The following ATAD2 variants were observed in gnomAD, a reference collection of about 807,000 sequenced individuals.
ATAD2 encodes the protein ATPase family AAA domain-containing protein 2.
A neutral mutation model predicts 168.9 loss-of-function variants in ATAD2; 62 were observed. The observed-to-expected ratio is 0.37, with a 90% confidence interval of 0.30 to 0.45. The LOEUF (loss-of-function observed/expected upper bound fraction) is 0.45, where lower values mean the gene tolerates loss of function less well. ATAD2 is among the 20% of genes least tolerant of loss of function. The pLI is 1.00. For missense variants in ATAD2, 1,419 were observed against 1,667.8 expected (o/e 0.85, Z 2.60); for synonymous variants, 613 against 571.6 (o/e 1.07, Z -1.03).
At chr8:123,367,542 G>C (rs1829019612) in intron 8 of ATAD2, among the ~76,000 whole-genome samples, 1 of 152,094 alleles carries the variant, frequency 6.6e-6, no homozygotes, top group South Asian at 2.1e-4. Flanking sequence ...TCCTGTGCCT[G>C]GTGGTGGTGG....
At chr8:123,381,398 G>A (rs1418357184) in intron 1 of ATAD2, among the ~76,000 whole-genome samples, 5 of 152,136 alleles carry the variant, frequency 3.3e-5, no homozygotes, top group Non-Finnish European at 2.9e-5. Flanking sequence ...TTACTTGGTA[G>A]GCTGAAATGG....
intron 27 of ATAD2, among the ~76,000 whole-genome samples, chr8:123,322,425 T>A (rs1346290132): frequency 6.6e-6 from 1 of 152,152 alleles, no homozygotes; most frequent in African/African-American, 2.4e-5. Flanking sequence ...TTCCAGTACT[T>A]TGGGAGGCTG....
chr8:123,372,341 G>A (rs962525541), intron 3 of ATAD2, among the ~76,000 whole-genome samples: 1 of 152,124 alleles, frequency 6.6e-6, no homozygotes, highest in Non-Finnish European at 1.5e-5. Flanking sequence ...GAATGGTCAC[G>A]GCTATGTTCC....
In ATAD2 at chr8:123,402,362, C is replaced by T. The variant is rs540068263; in HGVS notation, c.-2281-1187G>A. ...CAGCCAGCTGGGCTTTCAGGCCCTACGCCTGCTTCAGGTCTTGCTGCAGCC... is the reference window on the plus strand; with the variant it reads ...CAGCCAGCTGGGCTTTCAGGCCCTATGCCTGCTTCAGGTCTTGCTGCAGCC... On this transcript the variant is annotated intron_variant, in intron 1 of 28. Coordinates refer to the ATAD2 transcript ENST00000521903. This position sits in a 1 kb window ranked among gnomAD's most constrained non-coding sequence, Gnocchi z 4.8. 3.9e-5 allele frequency among the ~76,000 whole-genome samples: 6 copies of T among 152,246 alleles called. No individual in the cohort carries two copies. The highest frequency in any genetic ancestry group is 1.3e-4 in the Admixed American group (2 of 15,306).
chr8:123,407,852 CAAA>C (rs11315960), intron 1 of ATAD2, among the ~76,000 whole-genome samples: 4 of 139,930 alleles, frequency 2.9e-5, no homozygotes, highest in African/African-American at 5.3e-5. Flanking sequence ...GACTCCGTCT[CAAA>C]AAAAAAAAAA....
At position 123,402,650 on chromosome 8, in the gene ATAD2, G is replaced by A. The variant is rs112325531; in HGVS notation, c.-2281-1475C>T. ...CTGGCCCTGGGGAGAAGGCTGCTCT[G>A]GTCATGGCTGCCTGCCCCTCATTCC... is the stretch of plus-strand genomic sequence containing the variant. On this transcript the variant is annotated intron_variant, in intron 1 of 28. Transcript: ENST00000521903. This position sits in a 1 kb window ranked among gnomAD's most constrained non-coding sequence, Gnocchi z 4.8. Among the ~76,000 whole-genome samples the A allele has an allele frequency of 0.016, 2,382 of 152,190 alleles. 68 individuals carry two copies. Among genetic ancestry groups the A allele is most frequent in the African/African-American group, 0.054 (2,236 of 41,502 alleles).
rs1828200502 is a variant in ATAD2 at position 123,345,304 on chromosome 8, ATTT to A, written c.2533-238_2533-236del. Reference sequence around the variant, plus strand: ...GAAAACAGCTGGAGAAATCTAGAAGATTTTTCTATTGTGGTAATCAAAAGTAAA... The same window carrying A: ...GAAAACAGCTGGAGAAATCTAGAAGATTCTATTGTGGTAATCAAAAGTAAA... On this transcript the variant is annotated intron_variant, in intron 18 of 27. Coordinates refer to ENST00000287394, the MANE Select transcript of ATAD2 (RefSeq NM_014109.4). Among the ~76,000 whole-genome samples, 5 of 152,258 alleles carry A rather than the reference ATTT, an allele frequency of 3.3e-5. No individual in the cohort carries two copies. The South Asian group carries it at 1.0e-3, about 32-fold the overall frequency.
upstream of ATAD2, chr8:123,401,352 G>A: frequency 1.4e-6 from 2 of 1,407,316 alleles, no homozygotes; most frequent in South Asian, 1.2e-5. Flanking sequence ...AATACCGCCT[G>A]GACCTGCTCA....
upstream of ATAD2, chr8:123,401,229 G>A: frequency 1.1e-6 from 1 of 899,972 alleles, no homozygotes; most frequent in Non-Finnish European, 1.9e-6. Context: ...ATGATGAGCT[G>A]GTGGCCATCA....
chr8:123,328,191 T>A lies in ATAD2; in HGVS notation c.3867A>T (p.Lys1289Asn). ...TTATTTTAATTGAAAAAGACGTACC[T>A]TTTCCTTCATTTTCATCAGAAATAT... ...IIHISDENEG[K>N]EMCVLRMTRA... Residue 1289 changes from lysine to asparagine, a missense_variant and splice_region_variant, in exon 25 of 28, where the codon AAA becomes AAT. Around this residue, in one of 5 missense-constraint regions of ATAD2, gnomAD observed 303 missense variants for 304.3 expected, o/e 1.00. Coordinates refer to ENST00000287394, the MANE Select transcript of ATAD2 (RefSeq NM_014109.4). 1 of 1,371,840 alleles carries A rather than the reference T, an allele frequency of 7.3e-7. No individual in the cohort carries two copies. The highest frequency in any genetic ancestry group is 9.5e-7 in the Non-Finnish European group (1 of 1,057,758). 85.0% of individuals were successfully genotyped at this position (1,371,840 alleles called of 1,614,324 possible). A position where few individuals can be genotyped will look rare whatever the true frequency, so the allele number is the denominator to read the frequency against.
chr8:123,403,765 G>A (rs1455140835), intron 1 of ATAD2, among the ~76,000 whole-genome samples: 1 of 152,168 alleles, frequency 6.6e-6, no homozygotes, highest in Non-Finnish European at 1.5e-5. Context: ...AGAAGATGGC[G>A]GCCTGGACTA....
chr8:123,390,172 T>A (rs1056850547), intron 1 of ATAD2, among the ~76,000 whole-genome samples: 2 of 151,624 alleles, frequency 1.3e-5, no homozygotes, highest in African/African-American at 2.4e-5. Context: ...AGAGACGGGA[T>A]TTCACCATGT....
At chr8:123,336,591 A>C in intron 21 of ATAD2, 59 bp from the exon 22 acceptor site, 1 of 1,323,740 alleles carries the variant, frequency 7.6e-7, no homozygotes, top group Non-Finnish European at 1.0e-6. Flanking sequence ...CATGTGAGTC[A>C]AGTTTCGATG....
chr8:123,369,924 A>ATCTTCATCATCT lies in ATAD2; in HGVS notation c.827_828insAGATGATGAAGA (p.Asp275_Asp276insGluAspAspGlu). On this transcript the variant is annotated inframe_insertion, in exon 7 of 28. Coordinates refer to ENST00000287394, the MANE Select transcript of ATAD2 (RefSeq NM_014109.4). ...CTTCTTCATCTTCATCATCTTCATC[A>ATCTTCATCATCT]TCATCATCATCATCATCATCGTCAT... 1 of 1,550,574 alleles carries ATCTTCATCATCT rather than the reference A, an allele frequency of 6.4e-7. No individual in the cohort carries two copies. Among genetic ancestry groups the ATCTTCATCATCT allele is most frequent in the African/African-American group, 1.4e-5 (1 of 71,826 alleles).
chr8:123,410,587 A>G (rs2061434335), intron 1 of ATAD2, among the ~76,000 whole-genome samples: 1 of 152,082 alleles, frequency 6.6e-6, no homozygotes, highest in South Asian at 2.1e-4. Flanking sequence ...TGCCCAGCCT[A>G]TATGTTTTTT....
At position 123,396,381 on chromosome 8, in the gene ATAD2, G is replaced by T; in HGVS notation, c.-24C>A. The stretch of plus-strand genomic sequence containing the variant: ...ATCTTCTCTCCCTACTGGCCTCGGC[G>T]TGCGCGACCGGAGAGAGATCCAGCT... On this transcript the variant is annotated 5_prime_UTR_variant, in exon 1 of 28. Transcript: ENST00000287394. 1.3e-6 allele frequency: 2 copies of T among 1,542,898 alleles called. No homozygotes were observed. The highest frequency in any genetic ancestry group is 1.7e-6 in the Non-Finnish European group (2 of 1,145,636).
chr8:123,336,018 C>T (rs1827903666), intron 22 of ATAD2, among the ~76,000 whole-genome samples: 1 of 152,014 alleles, frequency 6.6e-6, no homozygotes, highest in South Asian at 2.1e-4. Flanking sequence ...ATTTTAAAAA[C>T]TATTTCATTA....
intron 1 of ATAD2, among the ~76,000 whole-genome samples, chr8:123,392,656 A>G (rs971393513): frequency 2.0e-5 from 3 of 152,088 alleles, no homozygotes; most frequent in Admixed American, 6.5e-5. Flanking sequence ...GGTCATGCAG[A>G]TATCAAGGGG....
In ATAD2 at chr8:123,369,811, T is replaced by C. The variant is rs202029413; in HGVS notation, c.931+10A>G. 2.4e-4 allele frequency: 381 copies of C among 1,585,160 alleles called. 4 individuals are homozygous for C. The East Asian group carries it at 8.4e-3, about 35-fold the overall frequency. On this transcript the variant is annotated intron_variant, in intron 7 of 27. Coordinates refer to ENST00000287394, the MANE Select transcript of ATAD2 (RefSeq NM_014109.4). ...TTACATCTCCTGGAAAGAGTATGTA[T>C]AGCACTTACTTTCCAATGGAGCCTG...
Sources: allele counts gnomAD v4.1 joint callset (sites outside exome capture counted in the v4.1 genomes callset), GRCh38; gene constraint gnomAD v4.1.1; regional missense constraint gnomAD v4.1.1; non-coding constraint Gnocchi (gnomAD v3.1); transcripts MANE v1.5; gene names NCBI Gene and HGNC (gene_info 2026-07-23, HGNC 2026-07-21).